The following WDR25 variants were observed in gnomAD, a reference collection of about 807,000 sequenced individuals.
The protein encoded by WDR25 is WD repeat-containing protein 25.
In WDR25, 35 loss-of-function variants were observed where a neutral mutation model predicts 47.7. The ratio of observed to expected loss-of-function variants is 0.73; its 90% confidence interval spans 0.56 to 0.97. The LOEUF (loss-of-function observed/expected upper bound fraction) is 0.97, where lower values mean the gene tolerates loss of function less well. WDR25 is among the 50% of genes least tolerant of loss of function. The pLI, the probability that WDR25 is intolerant of heterozygous loss-of-function variation, is 0.00. For missense variants in WDR25, 634 were observed against 704.7 expected (o/e 0.90, Z 1.14); for synonymous variants, 248 against 278.9 (o/e 0.89, Z 1.10).
At chr14:100,510,168 G>A (rs1210633412) in intron 4 of WDR25, among the ~76,000 whole-genome samples, 4 of 151,988 alleles carry the variant, frequency 2.6e-5, no homozygotes, top group Non-Finnish European at 2.9e-5. Flanking sequence ...TACTCAGGAG[G>A]CTGAGGCAAG....
chr14:100,452,234 A>G (rs1899059086), intron 2 of WDR25, among the ~76,000 whole-genome samples: 1 of 152,136 alleles, frequency 6.6e-6, no homozygotes, highest in Non-Finnish European at 1.5e-5. Flanking sequence ...CTATGCCGTC[A>G]CTCACTCAAG....
At chr14:100,453,731 T>A (rs1446778463) in intron 2 of WDR25, among the ~76,000 whole-genome samples, 1 of 152,170 alleles carries the variant, frequency 6.6e-6, no homozygotes, top group Non-Finnish European at 1.5e-5. Context: ...GCGAAGTGGG[T>A]GTAGCTGATG....
chr14:100,414,464 C>T (rs2140198327), intron 2 of WDR25, among the ~76,000 whole-genome samples: 1 of 151,866 alleles, frequency 6.6e-6, no homozygotes, highest in Middle Eastern at 3.4e-3. Flanking sequence ...AGACGTATGC[C>T]ACCATGCCCG....
intron 4 of WDR25, among the ~76,000 whole-genome samples, chr14:100,516,126 G>A (rs1901487467): frequency 6.6e-6 from 1 of 152,000 alleles, no homozygotes; most frequent in African/African-American, 2.4e-5. Context: ...TATTTTGAGA[G>A]ATTTTTTGGA....
chr14:100,527,918 T>C (rs1398541989), intron 5 of WDR25, among the ~76,000 whole-genome samples: 1 of 152,132 alleles, frequency 6.6e-6, no homozygotes, highest in Non-Finnish European at 1.5e-5. Context: ...TAAAGCCAGC[T>C]TGAGGGGGTA....
At position 100,509,459 on chromosome 14, in the gene WDR25, C is replaced by T. The variant is rs1026211796; in HGVS notation, c.1102-16411C>T. On this transcript the variant is annotated intron_variant, in intron 4 of 6. Transcript: ENST00000402312. Reference sequence around the variant, plus strand: ...TATCACTACCCCCCAGGCTGCAGAACTTCCTTTAGCATTTCTTATAATACA... The same window carrying T: ...TATCACTACCCCCCAGGCTGCAGAATTTCCTTTAGCATTTCTTATAATACA... Among the ~76,000 whole-genome samples, 20 of 152,272 alleles carry T rather than the reference C, an allele frequency of 1.3e-4. 1 individual carries two copies. The highest frequency in any genetic ancestry group is 4.6e-4 in the African/African-American group (19 of 41,554).
At chr14:100,505,616 C>T (rs1378988222) in intron 4 of WDR25, among the ~76,000 whole-genome samples, 1 of 152,152 alleles carries the variant, frequency 6.6e-6, no homozygotes, top group African/African-American at 2.4e-5. Flanking sequence ...TCTTTTTCTA[C>T]AAAGATATCT....
At chr14:100,431,562 T>C (rs182139065) in intron 2 of WDR25, among the ~76,000 whole-genome samples, 347 of 152,116 alleles carry the variant, frequency 2.3e-3, no homozygotes, top group African/African-American at 8.0e-3. Flanking sequence ...TTTTTTTTTT[T>C]TTGAGACAGA....
At chr14:100,388,321 G>T (rs1356294112) in intron 2 of WDR25, among the ~76,000 whole-genome samples, 2 of 152,244 alleles carry the variant, frequency 1.3e-5, no homozygotes, top group Non-Finnish European at 2.9e-5. Flanking sequence ...TGATGTGTGT[G>T]TGCGCATGTG....
chr14:100,397,895 G>A (rs1171473347), intron 2 of WDR25, among the ~76,000 whole-genome samples: 2 of 152,156 alleles, frequency 1.3e-5, no homozygotes, highest in Admixed American at 6.5e-5. Flanking sequence ...CTGGAGTGCA[G>A]TGGTGTGGTC....
At chr14:100,394,301 G>A (rs182807964) in intron 2 of WDR25, among the ~76,000 whole-genome samples, 1 of 152,282 alleles carries the variant, frequency 6.6e-6, no homozygotes, top group East Asian at 1.9e-4. Flanking sequence ...GACATGGCTG[G>A]CAGTGGTTGA....
intron 2 of WDR25, among the ~76,000 whole-genome samples, chr14:100,418,631 G>A (rs548386363): frequency 1.6e-4 from 20 of 124,474 alleles, no homozygotes; most frequent in African/African-American, 4.9e-4. Context: ...GCGAGACTCC[G>A]TCTCAAAAAA....
Position 100,428,471 on chromosome 14 carries a change from T to C in WDR25, c.823-39550T>C, listed in dbSNP as rs926820221. On this transcript the variant is annotated intron_variant, in intron 2 of 6. Coordinates refer to ENST00000402312, the MANE Select transcript of WDR25 (RefSeq NM_001161476.3). This position sits in a 1 kb window ranked among gnomAD's most constrained non-coding sequence, Gnocchi z 4.3. The stretch of plus-strand genomic sequence containing the variant: ...GCCTTTCTGGGCCTCAGCGTCCTCC[T>C]CTGTGGATGGGGGACAGTGCCTGAG... 6.6e-5 allele frequency among the ~76,000 whole-genome samples: 10 copies of C among 152,180 alleles called. No individual in the cohort carries two copies. The highest frequency in any genetic ancestry group is 2.4e-4 in the African/African-American group (10 of 41,448).
chr14:100,397,032 C>CT (rs1251710055), intron 2 of WDR25, among the ~76,000 whole-genome samples: 4 of 152,240 alleles, frequency 2.6e-5, no homozygotes, highest in Non-Finnish European at 5.9e-5. Flanking sequence ...GGAGATGCTG[C>CT]TGGAGGGGTG....
At chr14:100,515,369 C>CA (rs112137967) in intron 4 of WDR25, among the ~76,000 whole-genome samples, 2,780 of 152,014 alleles carry the variant, frequency 0.018, 86 homozygotes, top group African/African-American at 0.056. Context: ...GTCTCACTTA[C>CA]ATTCATATTC....
At chr14:100,524,267 G>A (rs926656152) in intron 4 of WDR25, among the ~76,000 whole-genome samples, 1 of 151,992 alleles carries the variant, frequency 6.6e-6, no homozygotes, top group South Asian at 2.1e-4. Context: ...AGCTACCTAT[G>A]GGGCTCTTGT....
chr14:100,466,466 T>A, intron 2 of WDR25, among the ~76,000 whole-genome samples: 1 of 152,232 alleles, frequency 6.6e-6, no homozygotes, highest in East Asian at 1.9e-4. Context: ...TGGGTTTTTC[T>A]CTTATTAAAG....
chr14:100,510,238 C>G (rs1164724669), intron 4 of WDR25, among the ~76,000 whole-genome samples: 1 of 150,936 alleles, frequency 6.6e-6, no homozygotes. Flanking sequence ...CCACTGCACT[C>G]CAGCCTGGGT....
chr14:100,402,260 G>A lies in WDR25; in HGVS notation c.822+20514G>A, dbSNP rs552009491. On this transcript the variant is annotated intron_variant, in intron 2 of 6. Transcript: ENST00000402312. ...GATATGTGACGTCCATTATTACCTC[G>A]GTATAATCATAAAGCTCACACCCAA... Among the ~76,000 whole-genome samples, 28 of 151,904 alleles carry A rather than the reference G, an allele frequency of 1.8e-4. 1 individual carries two copies. Among genetic ancestry groups the A allele is most frequent in the African/African-American group, 6.5e-4 (27 of 41,410 alleles).
Sources: allele counts gnomAD v4.1 joint callset (sites outside exome capture counted in the v4.1 genomes callset), GRCh38; gene constraint gnomAD v4.1.1; non-coding constraint Gnocchi (gnomAD v3.1); transcripts MANE v1.5; gene names NCBI Gene and HGNC (gene_info 2026-07-23, HGNC 2026-07-21).